MYH15: variants seen among roughly 807,000 people sequenced by gnomAD.
The protein encoded by MYH15 is myosin-15.
MYH15 carries 227 observed loss-of-function variants against 240.5 expected under a neutral mutation model. The ratio of observed to expected loss-of-function variants is 0.94; its 90% CI spans 0.85 to 1.05. The LOEUF is 1.05. Among genes scored for constraint, MYH15 ranks in the 50% least tolerant of loss-of-function variants. The pLI, the probability that MYH15 is intolerant of heterozygous loss-of-function variation, is 0.00. For synonymous variants in MYH15, 785 were observed against 796.7 expected (o/e 0.99, Z 0.25); for missense variants, 2,217 against 2,247.5 (o/e 0.99, Z 0.27).
chr3:108,532,547 T>C (rs138405967), upstream of MYH15, among the ~76,000 whole-genome samples: 87 of 152,336 alleles, frequency 5.7e-4, no homozygotes, highest in East Asian at 0.015. Context: ...TATTTCCATC[T>C]TGCTGACTGA....
At chr3:108,511,539 CT>C (rs895706103), upstream of MYH15, among the ~76,000 whole-genome samples, 1 of 152,180 alleles carries the variant, frequency 6.6e-6, no homozygotes, top group African/African-American at 2.4e-5. Flanking sequence ...AATTTTCACA[CT>C]TTACATTTGA....
chr3:108,445,087 G>A (rs1279956225), intron 21 of MYH15, among the ~76,000 whole-genome samples, 192 bp from the exon 22 acceptor site: 1 of 152,172 alleles, frequency 6.6e-6, no homozygotes, highest in Non-Finnish European at 1.5e-5. Context: ...GGGGTTAGCA[G>A]TATTATGGAC....
At chr3:108,502,805 G>A (rs1202479688) in intron 2 of MYH15, among the ~76,000 whole-genome samples, 1 of 151,874 alleles carries the variant, frequency 6.6e-6, no homozygotes, top group Non-Finnish European at 1.5e-5. Context: ...CTATCCATCT[G>A]TCTTCTTTGA....
At chr3:108,455,176 C>T (rs936246643) in intron 20 of MYH15, among the ~76,000 whole-genome samples, 2 of 152,138 alleles carry the variant, frequency 1.3e-5, no homozygotes, top group African/African-American at 4.8e-5. Context: ...CCAGATAACA[C>T]CAAATCTATT....
At chr3:108,388,875 G>A (rs1012885511) in intron 38 of MYH15, 95 bp downstream of exon 38, 30 of 965,150 alleles carry the variant, frequency 3.1e-5, no homozygotes, top group East Asian at 2.7e-4. Flanking sequence ...AAGAGAGAAC[G>A]GCAGGAGTCC....
intron 14 of MYH15, among the ~76,000 whole-genome samples, chr3:108,467,750 TA>T (rs1008118978): frequency 2.7e-4 from 41 of 152,298 alleles, no homozygotes; most frequent in African/African-American, 9.4e-4. Context: ...TGTATAACCA[TA>T]AATATGTAAT....
rs370638230 is a variant in MYH15, at chr3:108,418,158, A to G, written c.3830-1228T>C. Reference sequence around the variant, plus strand: ...AATAAGCCTAGTTTGTTTGTCAGTCATTCTTTCAAGTAAAAGTGATACTCC... The same window carrying G: ...AATAAGCCTAGTTTGTTTGTCAGTCGTTCTTTCAAGTAAAAGTGATACTCC... On this transcript the variant is annotated intron_variant, in intron 28 of 40. Transcript: ENST00000693548. 7.2e-5 allele frequency among the ~76,000 whole-genome samples: 11 copies of G among 152,308 alleles called. No homozygotes were observed. In the East Asian group the frequency reaches 2.1e-3, roughly 29 times the overall value.
chr3:108,408,362 T>G lies in MYH15; in HGVS notation c.4538A>C (p.Lys1513Thr). 6.2e-7 allele frequency: 1 copy of G among 1,613,588 alleles called. No individual in the cohort carries two copies. Among genetic ancestry groups the G allele is most frequent in the South Asian group, 1.1e-5 (1 of 90,998 alleles). ...GACCTTTTCCATTTCAGTTAAGTTC[T>G]TGGTCCCTTCTCTAACCTGGTTTGT... ...NLTNQVREGT[K>T]NLTEMEKVKK... The change falls in exon 32 of 41, where the codon AAG becomes ACG. Residue 1513 changes from lysine to threonine, a missense_variant. Coordinates refer to ENST00000693548, the MANE Select transcript of MYH15 (RefSeq NM_014981.3).
chr3:108,548,315 A>G, the MYH15 span, among the ~76,000 whole-genome samples: 16 of 152,304 alleles, frequency 1.1e-4, no homozygotes, highest in African/African-American at 3.6e-4. Flanking sequence ...AACAGAAAAC[A>G]TAATAAGGAC....
At chr3:108,499,611 G>A in intron 4 of MYH15, 129 bp from the exon 5 acceptor site, 1 of 905,788 alleles carries the variant, frequency 1.1e-6, no homozygotes, top group East Asian at 2.6e-5. Flanking sequence ...ATCATTTATA[G>A]TTAGAAAAAC....
intron 33 of MYH15, among the ~76,000 whole-genome samples, chr3:108,400,021 T>C (rs918336332): frequency 6.6e-6 from 1 of 152,342 alleles, no homozygotes; most frequent in East Asian, 1.9e-4. Flanking sequence ...TGTAGTTAGT[T>C]TGGGACTATG....
chr3:108,473,817 G>C (rs186688395), intron 12 of MYH15, among the ~76,000 whole-genome samples: 6 of 152,264 alleles, frequency 3.9e-5, no homozygotes, highest in Admixed American at 3.9e-4. Flanking sequence ...TTCACCTTGG[G>C]ATGGTATCTC....
intron 38 of MYH15, among the ~76,000 whole-genome samples, chr3:108,388,742 T>C (rs2082401264): frequency 6.6e-6 from 1 of 152,202 alleles, no homozygotes; most frequent in Non-Finnish European, 1.5e-5. Flanking sequence ...TCACTTCTAA[T>C]TGCAACTTGC....
chr3:108,383,429 G>A (rs1333604218), intron 40 of MYH15, among the ~76,000 whole-genome samples, 166 bp downstream of exon 40: 1 of 152,192 alleles, frequency 6.6e-6, no homozygotes, highest in Non-Finnish European at 1.5e-5. Flanking sequence ...ACCAGGACAA[G>A]TATAATTTAG....
chr3:108,391,872 C>T lies in MYH15; in HGVS notation c.5318G>A (p.Arg1773Lys), dbSNP rs2107536142. Residue 1773 changes from arginine to lysine, a missense_variant, in exon 37 of 41, where the codon AGG (arginine) becomes AAG (lysine). Physicochemically the swap from Arg to Lys is conservative, Grantham distance 26 (BLOSUM62 2). Coordinates refer to ENST00000693548, the MANE Select transcript of MYH15 (RefSeq NM_014981.3). ...KKQDTIAHLE[R>K]TRENMEQTIT... Reference sequence around the variant, plus strand: ...TGTCTGCTCCATATTTTCTCTTGTCCTTTCCAAGTGGGCAATGGTGTCTTG... The same window carrying T: ...TGTCTGCTCCATATTTTCTCTTGTCTTTTCCAAGTGGGCAATGGTGTCTTG... 1.2e-6 allele frequency: 2 copies of T among 1,614,100 alleles called. No individual in the cohort carries two copies. The highest frequency in any genetic ancestry group is 1.7e-6 in the Non-Finnish European group (2 of 1,179,982).
upstream of MYH15, among the ~76,000 whole-genome samples, chr3:108,532,477 T>G (rs996440019): frequency 6.6e-6 from 1 of 152,214 alleles, no homozygotes; most frequent in African/African-American, 2.4e-5. Context: ...GCTTTCAAAC[T>G]GGAACTTACA....
chr3:108,413,656 C>T (rs1190719298), intron 30 of MYH15, among the ~76,000 whole-genome samples: 1 of 152,182 alleles, frequency 6.6e-6, no homozygotes, highest in East Asian at 1.9e-4. Context: ...ACTTTTAAAA[C>T]CTTTACATAG....
chr3:108,465,989 T>C (rs956932833), intron 14 of MYH15, among the ~76,000 whole-genome samples: 4 of 152,172 alleles, frequency 2.6e-5, no homozygotes, highest in African/African-American at 9.7e-5. Context: ...TAGCACACTT[T>C]TTCTCTAAAG....
chr3:108,515,654 T>G (rs1042172447), intron 1 of MYH15, among the ~76,000 whole-genome samples: 1 of 152,222 alleles, frequency 6.6e-6, no homozygotes, highest in African/African-American at 2.4e-5. Context: ...GTGAAGATTG[T>G]GTATAAAACT....
Sources: allele counts gnomAD v4.1 joint callset (sites outside exome capture counted in the v4.1 genomes callset), GRCh38; gene constraint gnomAD v4.1.1; transcripts MANE v1.5; gene names NCBI Gene and HGNC (gene_info 2026-07-23, HGNC 2026-07-21).